Variants in TNFRSF19 observed in about 807,000 individuals in gnomAD.
The protein encoded by TNFRSF19 is TNF receptor superfamily member 19, also known as tumor necrosis factor receptor superfamily member 19.
TNFRSF19 carries 27 observed loss-of-function variants against 46.4 expected under a neutral mutation model. That is an observed-to-expected ratio of 0.58 (90% confidence interval 0.43 to 0.80). The LOEUF (loss-of-function observed/expected upper bound fraction) is 0.80, where lower values mean the gene tolerates loss of function less well. Among genes scored for constraint, TNFRSF19 ranks in the 30% least tolerant of loss-of-function variants. The pLI is 0.00. For missense variants in TNFRSF19, 511 were observed against 530.8 expected (o/e 0.96, Z 0.37); for synonymous variants, 204 against 205.0 (o/e 1.00, Z 0.04).
intron 7 of TNFRSF19, among the ~76,000 whole-genome samples, chr13:23,665,380 A>C (rs1951610437): frequency 6.6e-6 from 1 of 152,244 alleles, no homozygotes; most frequent in African/African-American, 2.4e-5. Context: ...CTAACAGAAC[A>C]CTGGGGCCAG....
rs181189770 is a variant in TNFRSF19 at position 23,664,837 on chromosome 13, G to A, written c.737-3143G>A. Among the ~76,000 whole-genome samples, 24 of 152,288 alleles carry A rather than the reference G, an allele frequency of 1.6e-4. No individual in the cohort carries two copies. The East Asian group carries it at 4.4e-3, about 28-fold the overall frequency. ...CTACAAACCTGTACGGCATGTGACT[G>A]CACTGAATACTGTAGACAGTTGCAA... On this transcript the variant is annotated intron_variant, in intron 7 of 9. Transcript: ENST00000248484.
intron 3 of TNFRSF19, among the ~76,000 whole-genome samples, chr13:23,598,074 AG>A (rs1177818303): frequency 6.6e-6 from 1 of 152,192 alleles, no homozygotes; most frequent in East Asian, 1.9e-4. Flanking sequence ...TCAATAAACT[AG>A]GTATTGATTG....
intron 5 of TNFRSF19, among the ~76,000 whole-genome samples, chr13:23,646,532 A>G (rs962800462): frequency 2.0e-5 from 3 of 152,114 alleles, no homozygotes; most frequent in African/African-American, 7.2e-5. Context: ...GTGGAATTAT[A>G]TTAGTATTTG....
chr13:23,636,956 T>A (rs1172989434), intron 5 of TNFRSF19, among the ~76,000 whole-genome samples: 1 of 152,204 alleles, frequency 6.6e-6, no homozygotes, highest in African/African-American at 2.4e-5. Context: ...TTTAAATAAA[T>A]CATGTATTTA....
chr13:23,609,177 T>C (rs1383865985), intron 3 of TNFRSF19, among the ~76,000 whole-genome samples: 2 of 152,198 alleles, frequency 1.3e-5, no homozygotes, highest in African/African-American at 4.8e-5. Context: ...CATTGAGCCA[T>C]ATTTACCCTA....
intron 3 of TNFRSF19, among the ~76,000 whole-genome samples, chr13:23,607,991 A>G (rs1880630864): frequency 6.6e-6 from 1 of 152,266 alleles, no homozygotes; most frequent in African/African-American, 2.4e-5. Flanking sequence ...ATTGTTAGTT[A>G]GGTTTCTACC....
chr13:23,602,207 C>T (rs1468475745), intron 3 of TNFRSF19, among the ~76,000 whole-genome samples: 1 of 152,072 alleles, frequency 6.6e-6, no homozygotes, highest in East Asian at 1.9e-4. Flanking sequence ...ATCAGAAGAG[C>T]AGGAGTAGCT....
chr13:23,629,254 G>A (rs140047830), intron 5 of TNFRSF19, among the ~76,000 whole-genome samples: 1 of 152,188 alleles, frequency 6.6e-6, no homozygotes, highest in Non-Finnish European at 1.5e-5. Flanking sequence ...TAGTGGGAGA[G>A]GCAAGAACTC....
chr13:23,603,358 A>G (rs1165922102), intron 3 of TNFRSF19, among the ~76,000 whole-genome samples: 2 of 152,090 alleles, frequency 1.3e-5, no homozygotes, highest in Non-Finnish European at 2.9e-5. Context: ...AACAGAGAGC[A>G]CCAAGTTAAA....
At chr13:23,616,135 A>G (rs376282067) in intron 4 of TNFRSF19, 90 bp downstream of exon 4, 6 of 1,334,362 alleles carry the variant, frequency 4.5e-6, no homozygotes, top group Middle Eastern at 2.2e-4. Context: ...ACTGGAATGC[A>G]TGCTGGTATT....
chr13:23,666,567 C>T (rs772282143), intron 7 of TNFRSF19, among the ~76,000 whole-genome samples: 4 of 152,168 alleles, frequency 2.6e-5, no homozygotes, highest in Non-Finnish European at 5.9e-5. Context: ...TTGACATGTC[C>T]GCATTATTCT....
At chr13:23,596,517 G>A (rs748032847) in intron 3 of TNFRSF19, among the ~76,000 whole-genome samples, 5 of 152,096 alleles carry the variant, frequency 3.3e-5, no homozygotes, top group African/African-American at 1.2e-4. Context: ...AATGGTATAA[G>A]GGATCAATGC....
intron 3 of TNFRSF19, among the ~76,000 whole-genome samples, chr13:23,608,110 T>C (rs1880639186): frequency 6.6e-6 from 1 of 152,194 alleles, no homozygotes; most frequent in Admixed American, 6.5e-5. Context: ...CAGCCTCTTT[T>C]CACTTCCTTT....
At chr13:23,599,938 G>T (rs924926326) in intron 3 of TNFRSF19, among the ~76,000 whole-genome samples, 1 of 152,002 alleles carries the variant, frequency 6.6e-6, no homozygotes, top group Non-Finnish European at 1.5e-5. Context: ...TTTAATTTTC[G>T]TTTAAAGATG....
intron 5 of TNFRSF19, among the ~76,000 whole-genome samples, chr13:23,631,230 G>A (rs1485812142): frequency 6.6e-6 from 1 of 152,018 alleles, no homozygotes; most frequent in Non-Finnish European, 1.5e-5. Flanking sequence ...AGTGAGTGGT[G>A]GAAGGGAACC....
chr13:23,596,900 C>T (rs1474612103), intron 3 of TNFRSF19, among the ~76,000 whole-genome samples: 2 of 152,140 alleles, frequency 1.3e-5, no homozygotes, highest in African/African-American at 2.4e-5. Flanking sequence ...ATAACAGTCT[C>T]TCAGACCACA....
chr13:23,612,722 C>G (rs1014217396), intron 3 of TNFRSF19, among the ~76,000 whole-genome samples: 21 of 152,140 alleles, frequency 1.4e-4, no homozygotes, highest in Admixed American at 2.6e-4. Flanking sequence ...AATAAACAGT[C>G]TTTATGAAAG....
At chr13:23,658,478 G>A (rs1435001496) in intron 5 of TNFRSF19, among the ~76,000 whole-genome samples, 4 of 152,136 alleles carry the variant, frequency 2.6e-5, no homozygotes, top group Admixed American at 1.3e-4. Context: ...TGTAATAACA[G>A]TATTAGTCTT....
At chr13:23,584,024 G>GAAAA (rs1338081279) in intron 1 of TNFRSF19, among the ~76,000 whole-genome samples, 1 of 152,146 alleles carries the variant, frequency 6.6e-6, no homozygotes, top group East Asian at 1.9e-4. Flanking sequence ...ATTAGTCTCA[G>GAAAA]AAAACCCTGC....
Sources: allele counts gnomAD v4.1 joint callset (sites outside exome capture counted in the v4.1 genomes callset), GRCh38; gene constraint gnomAD v4.1.1; transcripts MANE v1.5; gene names NCBI Gene and HGNC (gene_info 2026-07-23, HGNC 2026-07-21).